PRP4K: variants seen among roughly 807,000 people sequenced by gnomAD.
PRP4K encodes the protein serine/threonine-protein kinase PRP4 homolog.
At chr6:4,064,750 TGATA>T in the PRP4K span, 1 of 152,664 alleles carries the variant, frequency 6.6e-6, no homozygotes, top group Non-Finnish European at 1.5e-5. Context: ...CCAGTTATTC[TGATA>T]GATGTCATTA....
the PRP4K span, among the ~76,000 whole-genome samples, chr6:4,047,903 C>T: frequency 1.2e-3 from 12 of 9,946 alleles, no homozygotes; most frequent in South Asian, 0.012. Flanking sequence ...TGTATATGTA[C>T]ACACACACAC....
the PRP4K span, chr6:4,037,411 A>G: frequency 6.2e-7 from 1 of 1,609,882 alleles, no homozygotes; most frequent in African/African-American, 1.3e-5. Flanking sequence ...CGACCTCGAG[A>G]TGATATCCTC....
At chr6:4,045,766 T>G in the PRP4K span, among the ~76,000 whole-genome samples, 1 of 152,240 alleles carries the variant, frequency 6.6e-6, no homozygotes, top group South Asian at 2.1e-4. Context: ...TTAGGATACA[T>G]TCTAAGTTGT....
At chr6:4,029,572 C>G in the PRP4K span, among the ~76,000 whole-genome samples, 4 of 152,056 alleles carry the variant, frequency 2.6e-5, no homozygotes, top group African/African-American at 9.7e-5. Context: ...AGGCTTGTCT[C>G]GAACTCCTGG....
the PRP4K span, chr6:4,032,825 T>A: frequency 7.1e-7 from 1 of 1,413,880 alleles, no homozygotes; most frequent in African/African-American, 1.5e-5. Context: ...CTAGAACTTG[T>A]GGACCATTAA....
the PRP4K span, chr6:4,040,951 C>A: frequency 6.3e-7 from 1 of 1,586,402 alleles, no homozygotes; most frequent in Admixed American, 1.9e-5. Context: ...TTACCCATAA[C>A]TTTGTTTTTC....
chr6:4,026,522 T>TA, the PRP4K span, among the ~76,000 whole-genome samples: 7 of 151,948 alleles, frequency 4.6e-5, no homozygotes, highest in African/African-American at 1.5e-4. Context: ...AGGCTGGTCT[T>TA]AAACTCCTGA....
At chr6:4,050,226 C>T in the PRP4K span, among the ~76,000 whole-genome samples, 4 of 6,566 alleles carry the variant, frequency 6.1e-4, 2 homozygotes, top group East Asian at 5.6e-3. Context: ...CGGGGTTTCA[C>T]CGTTTTAGCC....
At chr6:4,049,349 C>T in the PRP4K span, 8 of 469,562 alleles carry the variant, frequency 1.7e-5, no homozygotes, top group Non-Finnish European at 3.0e-5. Context: ...AAATTATTTT[C>T]AGCCATGAGA....
the PRP4K span, among the ~76,000 whole-genome samples, chr6:4,052,374 T>TAAAATG: frequency 6.6e-6 from 1 of 152,224 alleles, no homozygotes; most frequent in African/African-American, 2.4e-5. Flanking sequence ...GAGTCTCTCT[T>TAAAATG]AAAATGAAAT....
the PRP4K span, among the ~76,000 whole-genome samples, chr6:4,024,006 A>G: frequency 6.6e-6 from 1 of 152,002 alleles, no homozygotes; most frequent in African/African-American, 2.4e-5. Context: ...AGCTGGGATT[A>G]CAGGCACGTA....
At chr6:4,047,105 TC>T in the PRP4K span, 28 of 1,326,208 alleles carry the variant, frequency 2.1e-5, no homozygotes, top group Non-Finnish European at 2.7e-5. Context: ...ATTAATGACT[TC>T]CCATTCACTT....
chr6:4,060,073 A>T, the PRP4K span, among the ~76,000 whole-genome samples: 2 of 152,250 alleles, frequency 1.3e-5, no homozygotes, highest in Admixed American at 1.3e-4. The surrounding 1 kb of genome is among the most constrained non-coding windows in gnomAD (Gnocchi z 4.7). Context: ...TCACATAACC[A>T]CAGCATACAC....
At chr6:4,031,511 A>G in the PRP4K span, 27 of 1,314,824 alleles carry the variant, frequency 2.1e-5, no homozygotes, top group Middle Eastern at 1.5e-3. Context: ...GGCTCTTTGA[A>G]TACTTGATAA....
chr6:4,040,181 C>T, the PRP4K span, among the ~76,000 whole-genome samples: 1 of 151,666 alleles, frequency 6.6e-6, no homozygotes, highest in Non-Finnish European at 1.5e-5. Context: ...CACCCAGCCC[C>T]CAGTTTTTTT....
the PRP4K span, chr6:4,062,056 T>C: frequency 6.6e-6 from 1 of 152,658 alleles, no homozygotes; most frequent in African/African-American, 2.4e-5. The surrounding 1 kb of genome is among the most constrained non-coding windows in gnomAD (Gnocchi z 4.2). Flanking sequence ...AAATTACCAG[T>C]TTATTAATAA....
chr6:4,048,884 T>A, the PRP4K span: 1 of 567,634 alleles, frequency 1.8e-6, no homozygotes, highest in South Asian at 2.8e-5. Context: ...TAAGTGATAG[T>A]AAGAATTTAT....
At chr6:4,021,504 C>A in the PRP4K span, 4 of 1,564,040 alleles carry the variant, frequency 2.6e-6, no homozygotes, top group Non-Finnish European at 3.5e-6. Context: ...AGCTGGAGCC[C>A]GGGGACTGCC....
At chr6:4,044,164 T>C in the PRP4K span, 1 of 695,454 alleles carries the variant, frequency 1.4e-6, no homozygotes. Flanking sequence ...AGTAATATAA[T>C]ATTAAATATG....
Sources: allele counts gnomAD v4.1 joint callset (sites outside exome capture counted in the v4.1 genomes callset), GRCh38; gene constraint gnomAD v4.1.1; non-coding constraint Gnocchi (gnomAD v3.1); transcripts MANE v1.5; gene names NCBI Gene and HGNC (gene_info 2026-07-23, HGNC 2026-07-21).